HCRTR2: variants seen among roughly 807,000 people sequenced by gnomAD.
HCRTR2 encodes the protein hypocretin receptor 2.
HCRTR2 carries 22 observed loss-of-function variants against 49.0 expected under a neutral mutation model. The observed-to-expected ratio is 0.45, with a 90% CI of 0.32 to 0.64. HCRTR2 has a LOEUF of 0.64. HCRTR2 is among the 30% of genes least tolerant of loss of function. The pLI is 0.04. For missense variants in HCRTR2, 491 were observed against 559.4 expected (o/e 0.88, Z 1.23); for synonymous variants, 236 against 205.3 (o/e 1.15, Z -1.28).
chr6:55,137,776 T>C (rs1364107254), intron 1 of HCRTR2, among the ~76,000 whole-genome samples: 1 of 152,240 alleles, frequency 6.6e-6, no homozygotes, highest in Non-Finnish European at 1.5e-5. Context: ...ACTGGGTAAC[T>C]GTGAGCCACC....
At chr6:55,206,552 A>G (rs553913945) in intron 1 of HCRTR2, among the ~76,000 whole-genome samples, 45 of 151,346 alleles carry the variant, frequency 3.0e-4, no homozygotes, top group Non-Finnish European at 5.0e-4. Flanking sequence ...ATTTTTTTTT[A>G]TGAGTGCAAG....
At chr6:55,203,555 C>G (rs192106746) in intron 1 of HCRTR2, among the ~76,000 whole-genome samples, 1 of 151,940 alleles carries the variant, frequency 6.6e-6, no homozygotes, top group Admixed American at 6.6e-5. Context: ...AAGTTAAGTG[C>G]TATGGAAAAA....
chr6:55,201,311 A>C (rs1362386704), intron 1 of HCRTR2, among the ~76,000 whole-genome samples: 1 of 152,074 alleles, frequency 6.6e-6, no homozygotes, highest in Non-Finnish European at 1.5e-5. Context: ...CAATTAGTAA[A>C]ATTCTACTTA....
intron 4 of HCRTR2, among the ~76,000 whole-genome samples, chr6:55,269,941 G>A (rs1283865065): frequency 2.0e-5 from 3 of 152,166 alleles, no homozygotes; most frequent in Non-Finnish European, 4.4e-5. Context: ...TCCAGCCTGT[G>A]TGGCAGAGTT....
chr6:55,124,475 A>C (rs1489262131), intron 1 of HCRTR2, among the ~76,000 whole-genome samples: 1 of 152,170 alleles, frequency 6.6e-6, no homozygotes, highest in African/African-American at 2.4e-5. Context: ...CTGTGGTCTG[A>C]GAGACTGTTG....
intron 2 of HCRTR2, among the ~76,000 whole-genome samples, chr6:55,254,616 C>T (rs1256815764): frequency 1.3e-5 from 2 of 151,872 alleles, no homozygotes; most frequent in African/African-American, 4.8e-5. Flanking sequence ...ACAAATAGCC[C>T]TTATTATTTG....
intron 3 of HCRTR2, among the ~76,000 whole-genome samples, chr6:55,257,360 T>TAGGTA (rs1766673072): frequency 6.6e-6 from 1 of 152,130 alleles, no homozygotes; most frequent in Non-Finnish European, 1.5e-5. Context: ...TACATTTAAA[T>TAGGTA]CTAAAGCTTC....
In HCRTR2 at chr6:55,144,099, C is replaced by CTTTTTTT. The variant is rs530138605; in HGVS notation, c.-377-30086_-377-30080dup. ...GTGACGCCATTCTTTCCCGTCCTGC[C>CTTTTTTT]TTTTTTTTTTTTTTTTTTTTTTTTT... is the stretch of plus-strand genomic sequence containing the variant. On this transcript the variant is annotated intron_variant, in intron 1 of 7. Coordinates refer to the HCRTR2 transcript ENST00000615358. Among the ~76,000 whole-genome samples the CTTTTTTT allele has an allele frequency of 7.3e-4, 62 of 85,384 alleles. 6 individuals carry two copies. The highest frequency in any genetic ancestry group is 2.4e-3 in the African/African-American group (40 of 16,398). The allele number at this position is 85,384 out of a possible 152,430, so 56.0% of individuals were successfully genotyped here. A position where few individuals can be genotyped will look rare whatever the true frequency, so the allele number is the denominator to read the frequency against.
chr6:55,172,898 A>G (rs1764971583), upstream of HCRTR2, among the ~76,000 whole-genome samples: 1 of 152,208 alleles, frequency 6.6e-6, no homozygotes, highest in Non-Finnish European at 1.5e-5. Context: ...AAATAATTAC[A>G]TATAAAAACT....
intron 1 of HCRTR2, among the ~76,000 whole-genome samples, chr6:55,223,893 G>A (rs184832523): frequency 2.0e-5 from 3 of 152,230 alleles, no homozygotes; most frequent in Admixed American, 2.0e-4. Flanking sequence ...TTATTTATAT[G>A]CAGAGCTGTT....
chr6:55,239,204 C>T (rs553965743), intron 1 of HCRTR2, among the ~76,000 whole-genome samples: 2 of 152,294 alleles, frequency 1.3e-5, no homozygotes, highest in East Asian at 1.9e-4. Flanking sequence ...AACCTTCCGT[C>T]TTCCTAACCT....
At chr6:55,225,142 T>TA (rs1765977731) in intron 1 of HCRTR2, among the ~76,000 whole-genome samples, 2 of 152,154 alleles carry the variant, frequency 1.3e-5, no homozygotes, top group South Asian at 4.1e-4. Flanking sequence ...TTTGTCAACT[T>TA]AAAAAATATT....
chr6:55,126,000 T>C (rs543839227), intron 1 of HCRTR2, among the ~76,000 whole-genome samples: 1 of 152,288 alleles, frequency 6.6e-6, no homozygotes, highest in Admixed American at 6.5e-5. Context: ...CTGGTTGTTC[T>C]AGTTAGCAAT....
At chr6:55,113,493 A>G (rs1344880221) in intron 1 of HCRTR2, among the ~76,000 whole-genome samples, 1 of 152,144 alleles carries the variant, frequency 6.6e-6, no homozygotes, top group East Asian at 1.9e-4. Context: ...ATTTCTCAAA[A>G]GAAGATACAC....
chr6:55,115,479 AGTGTGTGTGTGTGTGTGTGTGT>A (rs34700512), intron 1 of HCRTR2, among the ~76,000 whole-genome samples: 1 of 148,788 alleles, frequency 6.7e-6, no homozygotes, highest in Non-Finnish European at 1.5e-5. Flanking sequence ...GTTGCTAAAG[AGTGTGTGTGTGTGTGTGTGTGT>A]GTGTGTGTGT....
chr6:55,208,853 AC>A, intron 1 of HCRTR2, among the ~76,000 whole-genome samples: 1 of 152,344 alleles, frequency 6.6e-6, no homozygotes, highest in South Asian at 2.1e-4. Context: ...AAATAAAAGA[AC>A]CATGCATTAA....
intron 2 of HCRTR2, among the ~76,000 whole-genome samples, chr6:55,249,828 A>C (rs750020868): frequency 2.0e-5 from 3 of 152,140 alleles, no homozygotes; most frequent in Non-Finnish European, 2.9e-5. Flanking sequence ...ATTGGACAGC[A>C]AATGAAATGG....
At chr6:55,154,789 A>G (rs1400264255) in intron 1 of HCRTR2, among the ~76,000 whole-genome samples, 1 of 151,764 alleles carries the variant, frequency 6.6e-6, no homozygotes, top group African/African-American at 2.4e-5. Context: ...AGATGAGCTG[A>G]TCTCATGTGT....
chr6:55,230,165 C>G (rs1766086987), intron 1 of HCRTR2, among the ~76,000 whole-genome samples: 2 of 152,140 alleles, frequency 1.3e-5, no homozygotes, highest in South Asian at 4.1e-4. Context: ...TATGAATAGA[C>G]TGAGAACTTT....
Sources: gnomAD v4.1 joint callset for allele counts (sites outside exome capture counted in the v4.1 genomes callset) on GRCh38, gnomAD v4.1.1 for gene constraint, MANE v1.5 for transcripts, NCBI Gene and HGNC (gene_info 2026-07-23, HGNC 2026-07-21) for gene names.